SAMD5: variants seen among roughly 807,000 people sequenced by gnomAD.
The protein encoded by SAMD5 is sterile alpha motif domain containing 5, also known as sterile alpha motif domain-containing protein 5.
A neutral mutation model predicts 11.3 loss-of-function variants in SAMD5; 13 were observed. The ratio of observed to expected loss-of-function variants is 1.15; its 90% CI spans 0.75 to 1.83. SAMD5 has a LOEUF of 1.83. SAMD5 is among the 40% of genes most tolerant of loss of function. The pLI, the probability that SAMD5 is intolerant of heterozygous loss-of-function variation, is 0.00. For synonymous variants in SAMD5, 129 were observed against 111.3 expected, an observed-to-expected ratio of 1.16 and a Z score of -1.00; for missense variants, 255 against 239.1, an observed-to-expected ratio of 1.07 and a Z score of -0.44.
the SAMD5 span, among the ~76,000 whole-genome samples, chr6:147,919,468 G>A: frequency 6.6e-6 from 1 of 152,112 alleles, no homozygotes; most frequent in Non-Finnish European, 1.5e-5. Context: ...GCATCAACAG[G>A]CCCCACTGAT....
chr6:147,518,489 C>T (rs892747724), intron 1 of SAMD5, among the ~76,000 whole-genome samples: 1 of 152,176 alleles, frequency 6.6e-6, no homozygotes, highest in Non-Finnish European at 1.5e-5. Context: ...TTCAAGTGCT[C>T]AGATTCTAGT....
chr6:147,751,561 T>A, the SAMD5 span, among the ~76,000 whole-genome samples: 1 of 152,162 alleles, frequency 6.6e-6, no homozygotes, highest in Non-Finnish European at 1.5e-5. Flanking sequence ...TCAGTGATGG[T>A]TATAATTAAT....
intron 1 of SAMD5, among the ~76,000 whole-genome samples, chr6:147,604,124 C>T (rs1031042150): frequency 1.3e-5 from 2 of 151,698 alleles, no homozygotes; most frequent in East Asian, 1.9e-4. Context: ...CGAAGACTGA[C>T]GACTAGAAAA....
chr6:147,549,010 A>T (rs1282276228), intron 1 of SAMD5, among the ~76,000 whole-genome samples: 5 of 152,130 alleles, frequency 3.3e-5, no homozygotes, highest in African/African-American at 1.2e-4. Context: ...CACAAATTAA[A>T]TCTTTTCCCT....
chr6:147,762,481 G>GAGCC, the SAMD5 span, among the ~76,000 whole-genome samples: 1 of 149,554 alleles, frequency 6.7e-6, no homozygotes, highest in African/African-American at 2.5e-5. Flanking sequence ...TTACAGGCAT[G>GAGCC]AGCCACCGTG....
At chr6:147,509,585 G>A (rs1418627483) in intron 1 of SAMD5, among the ~76,000 whole-genome samples, 198 bp downstream of exon 1, 2 of 152,104 alleles carry the variant, frequency 1.3e-5, no homozygotes, top group Non-Finnish European at 2.9e-5. Flanking sequence ...TGGTTGGTAA[G>A]ACAAGCCCCC....
intron 1 of SAMD5, among the ~76,000 whole-genome samples, chr6:147,591,853 G>C (rs558056813): frequency 6.6e-6 from 1 of 152,186 alleles, no homozygotes; most frequent in Non-Finnish European, 1.5e-5. Flanking sequence ...TGCTTCCCCA[G>C]AGCCTTCTCA....
chr6:147,723,136 A>T (rs1459906420), intron 1 of SAMD5, among the ~76,000 whole-genome samples: 1 of 152,318 alleles, frequency 6.6e-6, no homozygotes, highest in South Asian at 2.1e-4. Flanking sequence ...GGAGTTCCTC[A>T]GTTCTCATGA....
the SAMD5 span, among the ~76,000 whole-genome samples, chr6:147,844,990 A>C: frequency 1.3e-5 from 2 of 152,190 alleles, no homozygotes; most frequent in African/African-American, 4.8e-5. Context: ...GAAGCTTTCA[A>C]ATGTTCTCAC....
the SAMD5 span, among the ~76,000 whole-genome samples, chr6:147,848,222 T>C: frequency 6.6e-6 from 1 of 152,186 alleles, no homozygotes; most frequent in South Asian, 2.1e-4. Context: ...GACAAATCGC[T>C]GTACATTTGC....
the SAMD5 span, among the ~76,000 whole-genome samples, chr6:147,817,536 C>G: frequency 6.6e-6 from 1 of 152,206 alleles, no homozygotes; most frequent in Admixed American, 6.5e-5. Flanking sequence ...GGTCATGCAC[C>G]TGTTATGCAG....
rs1426361900 is a variant in SAMD5, at chr6:147,566,450, A to G, written c.*1994A>G. The G allele has an allele frequency of 2.0e-6, 2 of 985,386 alleles. No individual in the cohort carries two copies. The highest frequency in any genetic ancestry group is 3.5e-5 in the African/African-American group (2 of 57,188). The allele number at this position is 985,386 out of a possible 1,614,324, so 61.0% of individuals were successfully genotyped here. ...GTCGCATCCGTGGCTGATTTATTTC[A>G]CAGATGTACATTTGCATGTACTTGT... is the stretch of plus-strand genomic sequence containing the variant. On this transcript the variant is annotated 3_prime_UTR_variant, in exon 2 of 2. Coordinates refer to ENST00000367474, the MANE Select transcript of SAMD5 (RefSeq NM_001030060.3).
At chr6:147,520,506 C>T (rs544789887) in intron 1 of SAMD5, among the ~76,000 whole-genome samples, 4 of 152,258 alleles carry the variant, frequency 2.6e-5, no homozygotes, top group Admixed American at 2.0e-4. Context: ...AAAAAGCAAA[C>T]ACATTGTATT....
chr6:147,673,755 G>C (rs1024851018), intron 1 of SAMD5, among the ~76,000 whole-genome samples: 2 of 152,126 alleles, frequency 1.3e-5, no homozygotes, highest in Non-Finnish European at 2.9e-5. Flanking sequence ...TCGGTGATGA[G>C]ACTATGGTGA....
At chr6:147,951,214 G>A in the SAMD5 span, among the ~76,000 whole-genome samples, 1 of 146,602 alleles carries the variant, frequency 6.8e-6, no homozygotes, top group Non-Finnish European at 1.5e-5. Flanking sequence ...ACGGAGTCTC[G>A]CTCTGTCGCC....
At chr6:147,784,596 G>A in the SAMD5 span, among the ~76,000 whole-genome samples, 1 of 152,184 alleles carries the variant, frequency 6.6e-6, no homozygotes, top group Non-Finnish European at 1.5e-5. Context: ...AATTACTGCG[G>A]TAAATTGCAT....
the SAMD5 span, among the ~76,000 whole-genome samples, chr6:147,932,587 ATTGTGT>A: frequency 8.4e-6 from 1 of 118,882 alleles, no homozygotes; most frequent in African/African-American, 3.2e-5. Context: ...GTCTTACAGA[ATTGTGT>A]GTGTGTGTGT....
At chr6:147,707,623 A>G (rs190928456) in intron 1 of SAMD5, among the ~76,000 whole-genome samples, 76 of 152,282 alleles carry the variant, frequency 5.0e-4, no homozygotes, top group Admixed American at 4.1e-3. Context: ...ACATTCATTC[A>G]GAGTTTAGCA....
chr6:147,579,827 T>C (rs2128446117), intron 1 of SAMD5, among the ~76,000 whole-genome samples: 1 of 152,286 alleles, frequency 6.6e-6, no homozygotes, highest in South Asian at 2.1e-4. Flanking sequence ...TTTTCCAACT[T>C]TCTTTAGGCT....
Sources: gnomAD v4.1 joint callset for allele counts (sites outside exome capture counted in the v4.1 genomes callset) on GRCh38, gnomAD v4.1.1 for gene constraint, MANE v1.5 for transcripts, NCBI Gene and HGNC (gene_info 2026-07-23, HGNC 2026-07-21) for gene names.